Variants in MTURN observed in about 807,000 individuals in gnomAD.
MTURN encodes maturin.
A neutral mutation model predicts 14.9 loss-of-function variants in MTURN; 7 were observed. The observed-to-expected ratio is 0.47, with a 90% confidence interval of 0.27 to 0.88. The LOEUF (loss-of-function observed/expected upper bound fraction) is 0.88, where lower values mean the gene tolerates loss of function less well. MTURN is among the 40% of genes least tolerant of loss of function. The pLI is 0.14. For synonymous variants in MTURN, 69 were observed against 72.5 expected, an observed-to-expected ratio of 0.95 and a Z score of 0.25; for missense variants, 151 against 174.1, an observed-to-expected ratio of 0.87 and a Z score of 0.75.
In MTURN at chr7:30,161,076, G is replaced by C. The variant is rs1407730650; in HGVS notation, c.*3528G>C. The C allele has an allele frequency of 1.3e-5, 2 of 152,630 alleles. No individual in the cohort carries two copies. Among genetic ancestry groups the C allele is most frequent in the Non-Finnish European group, 2.9e-5 (2 of 68,032 alleles). 9.5% of individuals were successfully genotyped at this position (152,630 alleles called of 1,614,324 possible). ...TGAATATTGTTTCTGTTTCATAAGAGCACAATGTACATGGACCTAGGGGAG... is the reference window on the plus strand; with the variant it reads ...TGAATATTGTTTCTGTTTCATAAGACCACAATGTACATGGACCTAGGGGAG... On this transcript the variant is annotated 3_prime_UTR_variant, in exon 3 of 3. Transcript: ENST00000324453.
chr7:30,140,331 A>G lies in MTURN; in HGVS notation c.162+5033A>G, dbSNP rs977450869. ...AAACAAAGGTAGTAATCATGATATT[A>G]TTAAAGAAAAAGGCTTTATTTATGG... On this transcript the variant is annotated intron_variant, in intron 1 of 2. Transcript: ENST00000324453. Among the ~76,000 whole-genome samples, 6 of 151,508 alleles carry G rather than the reference A, an allele frequency of 4.0e-5. No homozygotes were observed. The South Asian group carries it at 6.3e-4, about 16-fold the overall frequency.
Position 30,135,279 on chromosome 7 carries a change from A to C in MTURN, c.143A>C (p.Asn48Thr). Reference sequence around the variant, plus strand: ...TCCTTCTATGTGCTGTGTCCGGACAACGGCTGCGGCGACAATTTTGTGAGT... The same window carrying C: ...TCCTTCTATGTGCTGTGTCCGGACACCGGCTGCGGCGACAATTTTGTGAGT... ...GVSFYVLCPD[N>T]GCGDNFHVWS... is the part of the protein sequence containing the mutation. The change falls in exon 1 of 3, where the codon AAC becomes ACC. Residue 48 changes from asparagine to threonine, a missense_variant. Transcript: ENST00000324453. The C allele has an allele frequency of 6.6e-7, 1 of 1,520,730 alleles. No individual in the cohort carries two copies. Among genetic ancestry groups the C allele is most frequent in the Non-Finnish European group, 8.8e-7 (1 of 1,132,774 alleles). 94.2% of individuals were successfully genotyped at this position (1,520,730 alleles called of 1,614,324 possible).
intron 1 of MTURN, among the ~76,000 whole-genome samples, chr7:30,141,670 G>A (rs529390906): frequency 1.2e-3 from 177 of 152,090 alleles, no homozygotes; most frequent in African/African-American, 4.0e-3. Context: ...CTACAGGTGC[G>A]CACCACCACA....
At chr7:30,144,635 G>A (rs996679922) in intron 1 of MTURN, among the ~76,000 whole-genome samples, 7 of 152,172 alleles carry the variant, frequency 4.6e-5, no homozygotes, top group Admixed American at 2.0e-4. Flanking sequence ...AACGTGTGTC[G>A]AAAATGGACC....
At chr7:30,137,580 G>A (rs1378673292) in intron 1 of MTURN, 8 of 470,990 alleles carry the variant, frequency 1.7e-5, no homozygotes, top group Non-Finnish European at 2.6e-5. Context: ...ATGGGGGTGG[G>A]CAGATGATTC....
intron 2 of MTURN, among the ~76,000 whole-genome samples, chr7:30,155,259 A>G (rs564149214): frequency 2.0e-5 from 3 of 152,290 alleles, no homozygotes; most frequent in South Asian, 2.1e-4. Context: ...CATCCCTTCA[A>G]TACAATGAAC....
chr7:30,144,435 T>C (rs773973548), intron 1 of MTURN, among the ~76,000 whole-genome samples: 28 of 152,244 alleles, frequency 1.8e-4, no homozygotes, highest in Non-Finnish European at 3.7e-4. Flanking sequence ...GATATACAAG[T>C]ACTTTGTACC....
intron 2 of MTURN, among the ~76,000 whole-genome samples, chr7:30,146,982 T>A (rs1386607148): frequency 6.6e-6 from 1 of 152,246 alleles, no homozygotes; most frequent in Non-Finnish European, 1.5e-5. Flanking sequence ...GTGTTTCCCC[T>A]AAGTTCGATT....
intron 2 of MTURN, among the ~76,000 whole-genome samples, chr7:30,154,108 C>T (rs1472475219): frequency 1.3e-5 from 2 of 152,128 alleles, no homozygotes; most frequent in African/African-American, 4.8e-5. Flanking sequence ...GGGGTTTTAC[C>T]GTACTGACAT....
intron 2 of MTURN, among the ~76,000 whole-genome samples, chr7:30,156,644 G>A (rs758529252): frequency 5.3e-5 from 8 of 152,110 alleles, no homozygotes; most frequent in Non-Finnish European, 7.4e-5. Flanking sequence ...GGCCAACATG[G>A]TGAAACCCTG....
intron 1 of MTURN, among the ~76,000 whole-genome samples, chr7:30,136,830 C>G (rs1380957485): frequency 6.6e-6 from 1 of 152,122 alleles, no homozygotes; most frequent in Admixed American, 6.5e-5. Context: ...CCCAGGCGTT[C>G]ATATAGGTAA....
Position 30,157,430 on chromosome 7 carries a change from C to G in MTURN, c.286-8C>G, listed in dbSNP as rs201716148. Reference sequence around the variant, plus strand: ...CACAGCTGCTTTTCTCTTGTTCTCTCCCTGTAGTTACTGGGGCTTCCGGAT... The same window carrying G: ...CACAGCTGCTTTTCTCTTGTTCTCTGCCTGTAGTTACTGGGGCTTCCGGAT... On this transcript the variant is annotated splice_polypyrimidine_tract_variant and splice_region_variant and intron_variant, in intron 2 of 2. Transcript: ENST00000324453. 1.3e-6 allele frequency: 2 copies of G among 1,589,008 alleles called. No individual in the cohort carries two copies. The highest frequency in any genetic ancestry group is 1.7e-6 in the Non-Finnish European group (2 of 1,169,662).
intron 1 of MTURN, 134 bp from the exon 2 acceptor site, chr7:30,146,043 G>A (rs1797124045): frequency 6.3e-7 from 1 of 1,586,584 alleles, no homozygotes; most frequent in Non-Finnish European, 8.6e-7. Flanking sequence ...ACGCATGTAT[G>A]AATTTTACTG....
intron 1 of MTURN, 87 bp downstream of exon 1, chr7:30,135,385 C>G (rs1292927829): frequency 1.6e-6 from 2 of 1,266,550 alleles, no homozygotes; most frequent in Admixed American, 8.0e-5. Context: ...GCGCGGTGGG[C>G]GGCGGTGGGC....
At chr7:30,153,456 T>G (rs985156297) in intron 2 of MTURN, among the ~76,000 whole-genome samples, 1 of 152,168 alleles carries the variant, frequency 6.6e-6, no homozygotes, top group Non-Finnish European at 1.5e-5. Flanking sequence ...GGAACAGCAT[T>G]AACAGCTGAA....
At chr7:30,146,743 A>C (rs1797136415) in intron 2 of MTURN, among the ~76,000 whole-genome samples, 1 of 152,182 alleles carries the variant, frequency 6.6e-6, no homozygotes, top group African/African-American at 2.4e-5. Flanking sequence ...AAAAGGATGA[A>C]ACTGGATACT....
At position 30,159,483 on chromosome 7, in the gene MTURN, G is replaced by T. The variant is rs896672716; in HGVS notation, c.*1935G>T. On this transcript the variant is annotated 3_prime_UTR_variant, in exon 3 of 3. Transcript: ENST00000324453. Reference sequence around the variant, plus strand: ...GTTGAAGCTTAAAATCTAAATTTATGTATGTTTGGAAATGGAATGGACATT... The same window carrying T: ...GTTGAAGCTTAAAATCTAAATTTATTTATGTTTGGAAATGGAATGGACATT... The T allele has an allele frequency of 1.3e-5, 2 of 152,554 alleles. No homozygotes were observed. The highest frequency in any genetic ancestry group is 4.8e-5 in the African/African-American group (2 of 41,420). The allele number at this position is 152,554 out of a possible 1,614,324, so 9.5% of individuals were successfully genotyped here.
At chr7:30,154,534 TTCAATCTCTCATGTCATC>T (rs1188601592) in intron 2 of MTURN, among the ~76,000 whole-genome samples, 1 of 152,188 alleles carries the variant, frequency 6.6e-6, no homozygotes, top group East Asian at 1.9e-4. Context: ...CATGGCTGCC[TTCAATCTCTCATGTCATC>T]TCCATAGTTA....
chr7:30,136,000 C>T (rs1036258189), intron 1 of MTURN, among the ~76,000 whole-genome samples: 8 of 148,208 alleles, frequency 5.4e-5, no homozygotes, highest in African/African-American at 1.5e-4. Flanking sequence ...ACACCCTCAC[C>T]CTCACACGCG....
Sources: allele counts gnomAD v4.1 joint callset (sites outside exome capture counted in the v4.1 genomes callset), GRCh38; gene constraint gnomAD v4.1.1; transcripts MANE v1.5; gene names NCBI Gene and HGNC (gene_info 2026-07-23, HGNC 2026-07-21).